The following NUP62CL variants were observed in gnomAD, a reference collection of about 807,000 sequenced individuals.
NUP62CL encodes the protein nucleoporin 62 C-terminal like, also known as nucleoporin-62 C-terminal-like protein.
A neutral mutation model predicts 15.3 loss-of-function variants in NUP62CL; 13 were observed. The observed-to-expected ratio is 0.85, with a 90% CI of 0.55 to 1.35. The LOEUF (loss-of-function observed/expected upper bound fraction) is 1.35, where lower values mean the gene tolerates loss of function less well. Ranked by LOEUF, NUP62CL falls within the 40% of genes most tolerant of loss-of-function variation. The pLI, the probability that NUP62CL is intolerant of heterozygous loss-of-function variation, is 0.00. For missense variants in NUP62CL, 123 were observed against 130.6 expected, an observed-to-expected ratio of 0.94 and a Z score of 0.28; for synonymous variants, 54 against 49.2, an observed-to-expected ratio of 1.10 and a Z score of -0.41.
At chrX:107,172,351 T>C (rs1241770938) in intron 3 of NUP62CL, among the ~76,000 whole-genome samples, 1 of 110,693 alleles carries the variant, frequency 9.0e-6, no homozygotes, top group Non-Finnish European at 1.9e-5. Flanking sequence ...AGGGATGATA[T>C]ACATGTCTGT....
chrX:107,160,580 G>A (rs1232564740), intron 4 of NUP62CL, among the ~76,000 whole-genome samples: 1 of 111,527 alleles, frequency 9.0e-6, no homozygotes, highest in African/African-American at 3.3e-5. Context: ...CTAGCCATAT[G>A]TAGAAAGCTG....
At chrX:107,139,812 A>T (rs1925723459) in intron 8 of NUP62CL, among the ~76,000 whole-genome samples, 1 of 111,870 alleles carries the variant, frequency 8.9e-6, no homozygotes, top group Admixed American at 9.5e-5. Flanking sequence ...TTTATTTCTC[A>T]TTCAGAAACG....
intron 3 of NUP62CL, among the ~76,000 whole-genome samples, chrX:107,168,433 T>G (rs12156824): frequency 0.03 from 3,390 of 111,967 alleles, 59 homozygotes; most frequent in Non-Finnish European, 0.046. Flanking sequence ...ATATGTCTTT[T>G]TCTGTTACAC....
chrX:107,196,464 T>G (rs1243608933), intron 1 of NUP62CL, among the ~76,000 whole-genome samples: 3 of 111,929 alleles, frequency 2.7e-5, no homozygotes, highest in Non-Finnish European at 5.6e-5. Context: ...GGAGTTTCAC[T>G]CTTGTTGTCC....
chrX:107,177,152 A>G (rs1926806510), intron 2 of NUP62CL, among the ~76,000 whole-genome samples: 1 of 112,017 alleles, frequency 8.9e-6, no homozygotes, highest in Non-Finnish European at 1.9e-5. Flanking sequence ...AAATAATTAC[A>G]TTTCTCTATT....
intron 2 of NUP62CL, among the ~76,000 whole-genome samples, chrX:107,192,689 T>C (rs6616631): frequency 2.7e-5 from 3 of 112,179 alleles, no homozygotes; most frequent in African/African-American, 6.5e-5. Context: ...CCAGAAATAG[T>C]TGATTTAGAA....
intron 3 of NUP62CL, among the ~76,000 whole-genome samples, chrX:107,169,477 C>A (rs1832105062): frequency 8.9e-6 from 1 of 112,051 alleles, no homozygotes; most frequent in Admixed American, 9.5e-5. Flanking sequence ...GACTCCATTT[C>A]CTTTTTGGCC....
At chrX:107,204,745 A>ATTAT (rs58102417) in intron 1 of NUP62CL, among the ~76,000 whole-genome samples, 655 of 17,773 alleles carry the variant, frequency 0.037, 17 homozygotes, top group Non-Finnish European at 0.053. Context: ...TTTTAAATAA[A>ATTAT]TTATTTAAAT....
intron 3 of NUP62CL, among the ~76,000 whole-genome samples, chrX:107,173,764 C>T (rs1926703557): frequency 9.0e-6 from 1 of 111,074 alleles, no homozygotes; most frequent in Admixed American, 9.5e-5. Context: ...GCCAATAACA[C>T]AAGAGGATGG....
chrX:107,173,936 TGAA>T (rs1345160785), intron 3 of NUP62CL, among the ~76,000 whole-genome samples: 3 of 110,727 alleles, frequency 2.7e-5, no homozygotes, highest in Non-Finnish European at 5.7e-5. Flanking sequence ...TATGATATTG[TGAA>T]GAAGAAACCT....
chrX:107,173,016 C>G (rs780896118), intron 3 of NUP62CL, among the ~76,000 whole-genome samples: 1 of 111,856 alleles, frequency 8.9e-6, no homozygotes, highest in Non-Finnish European at 1.9e-5. Flanking sequence ...ATCTTACTAA[C>G]TGCAGTAGGA....
rs755629760 is a variant in NUP62CL, at chrX:107,154,053, A to G, written c.345+43T>C. ...TCTATTTTCTTGTGTTCATCTGCAA[A>G]TACTTGCACAATGTAGGTAGATTAA... On this transcript the variant is annotated intron_variant, in intron 5 of 8. Transcript: ENST00000372466. 17 of 1,076,592 alleles carry G rather than the reference A, an allele frequency of 1.6e-5. No individual in the cohort carries two copies. In the Admixed American group the frequency reaches 2.2e-4, roughly 14 times the overall value. 88.7% of individuals were successfully genotyped at this position (1,076,592 alleles called of 1,213,427 possible). A position where few individuals can be genotyped will look rare whatever the true frequency, so the allele number is the denominator to read the frequency against.
At chrX:107,204,557 A>G (rs1927563391) in intron 1 of NUP62CL, among the ~76,000 whole-genome samples, 1 of 110,400 alleles carries the variant, frequency 9.1e-6, no homozygotes, top group African/African-American at 3.3e-5. Flanking sequence ...GAAAACTAAT[A>G]TTCACTGAAC....
chrX:107,188,951 A>T (rs1165200024), intron 2 of NUP62CL, among the ~76,000 whole-genome samples: 1 of 111,907 alleles, frequency 8.9e-6, no homozygotes, highest in Non-Finnish European at 1.9e-5. Context: ...CATTACTCAA[A>T]TCCTCATGCA....
Position 107,147,783 on chromosome X carries a change from A to T in NUP62CL, c.*2T>A. ...TCCACTGCAGGGAGTCCATATGGGCATTCAGAATTCTGCAGATCTGGTGGA... is the reference window on the plus strand; with the variant it reads ...TCCACTGCAGGGAGTCCATATGGGCTTTCAGAATTCTGCAGATCTGGTGGA... On this transcript the variant is annotated 3_prime_UTR_variant, in exon 8 of 9. Transcript: ENST00000372466. 1 of 1,200,523 alleles carries T rather than the reference A, an allele frequency of 8.3e-7. No individual in the cohort carries two copies. The highest frequency in any genetic ancestry group is 1.7e-5 in the African/African-American group (1 of 57,528).
intron 8 of NUP62CL, among the ~76,000 whole-genome samples, chrX:107,133,790 T>C (rs1925575346): frequency 8.9e-6 from 1 of 111,734 alleles, no homozygotes; most frequent in African/African-American, 3.3e-5. Flanking sequence ...ATACAAAAAT[T>C]ATCCAGGTAT....
In NUP62CL at chrX:107,153,092, G is replaced by A. The variant is rs953471412; in HGVS notation, c.530+80C>T. On this transcript the variant is annotated intron_variant, in intron 7 of 8. Coordinates refer to ENST00000372466, the MANE Select transcript of NUP62CL (RefSeq NM_017681.3). Reference sequence around the variant, plus strand: ...ATTTGTATTCCTTGCCTTCCAATTCGACTTTTCCCCTCTGTTCCTGGAATG... The same window carrying A: ...ATTTGTATTCCTTGCCTTCCAATTCAACTTTTCCCCTCTGTTCCTGGAATG... 5 of 942,732 alleles carry A rather than the reference G, an allele frequency of 5.3e-6. No homozygotes were observed. The African/African-American group carries it at 8.3e-5, about 16-fold the overall frequency. The allele number at this position is 942,732 out of a possible 1,213,427, so 77.7% of individuals were successfully genotyped here. A position where few individuals can be genotyped will look rare whatever the true frequency, so the allele number is the denominator to read the frequency against.
intron 7 of NUP62CL, among the ~76,000 whole-genome samples, chrX:107,149,796 T>A (rs916010694): frequency 2.7e-5 from 3 of 111,369 alleles, no homozygotes; most frequent in African/African-American, 9.8e-5. Context: ...CAATGGGAAC[T>A]CCCACAATGG....
At chrX:107,161,783 A>AAAT (rs752053207) in intron 4 of NUP62CL, among the ~76,000 whole-genome samples, 2 of 101,891 alleles carry the variant, frequency 2.0e-5, no homozygotes, top group East Asian at 6.0e-4. Context: ...AATTTAAAAA[A>AAAT]AATAATAATA....
Sources: gnomAD v4.1 joint callset for allele counts (sites outside exome capture counted in the v4.1 genomes callset) on GRCh38, gnomAD v4.1.1 for gene constraint, MANE v1.5 for transcripts, NCBI Gene and HGNC (gene_info 2026-07-23, HGNC 2026-07-21) for gene names.